Variants in GRID2 observed in about 807,000 individuals in gnomAD.
GRID2 encodes glutamate receptor ionotropic, delta-2.
GRID2 carries 33 observed loss-of-function variants against 114.8 expected under a neutral mutation model. The observed-to-expected ratio is 0.29, with a 90% confidence interval of 0.22 to 0.38. GRID2 has a LOEUF of 0.38. GRID2 is among the 10% of genes least tolerant of loss of function. GRID2 has a pLI of 1.00. For missense variants in GRID2, 1,184 were observed against 1,257.7 expected (o/e 0.94, Z 0.89); for synonymous variants, 505 against 449.9 (o/e 1.12, Z -1.55).
rs548609554 is a variant in GRID2 at position 93,528,317 on chromosome 4, A to G, written c.2193+12906A>G. 3.3e-5 allele frequency among the ~76,000 whole-genome samples: 5 copies of G among 152,040 alleles called. No homozygotes were observed. In the South Asian group the frequency reaches 1.0e-3, roughly 31 times the overall value. On this transcript the variant is annotated intron_variant, in intron 13 of 15. Transcript: ENST00000282020. ...TCCAGAAGTGGAACTGCTAGACGAA[A>G]TGGCAATTCTAGTTTTAATTATTTA...
At chr4:93,563,224 C>T (rs1179099777) in intron 13 of GRID2, among the ~76,000 whole-genome samples, 3 of 151,960 alleles carry the variant, frequency 2.0e-5, no homozygotes, top group Non-Finnish European at 4.4e-5. Flanking sequence ...CCATTTATAT[C>T]CCTATCTGTC....
chr4:93,760,877 C>T (rs1733149548), intron 14 of GRID2, among the ~76,000 whole-genome samples: 1 of 152,140 alleles, frequency 6.6e-6, no homozygotes, highest in African/African-American at 2.4e-5. Flanking sequence ...TGACTTCAGG[C>T]TCAAGCTCCC....
chr4:93,258,795 GATTT>G (rs1370018262), intron 8 of GRID2: 2 of 396,064 alleles, frequency 5.0e-6, no homozygotes, highest in Non-Finnish European at 1.0e-5. Context: ...CTAATGCATG[GATTT>G]ATTTATTGAT....
chr4:93,588,772 T>C (rs1209661187), intron 13 of GRID2, among the ~76,000 whole-genome samples: 1 of 152,182 alleles, frequency 6.6e-6, no homozygotes, highest in Non-Finnish European at 1.5e-5. Flanking sequence ...TGTTTAAAAA[T>C]ACTTGCATTC....
chr4:92,407,859 A>G (rs1478936346), intron 1 of GRID2, among the ~76,000 whole-genome samples: 2 of 152,100 alleles, frequency 1.3e-5, no homozygotes, highest in African/African-American at 4.8e-5. Context: ...ATAACTTACA[A>G]TTATTCTTTC....
chr4:92,871,816 T>C (rs1221701700), intron 2 of GRID2, among the ~76,000 whole-genome samples: 3 of 152,180 alleles, frequency 2.0e-5, no homozygotes, highest in African/African-American at 7.2e-5. Flanking sequence ...GAAAGAATAT[T>C]GTCTAATGTT....
At chr4:93,445,838 T>A (rs1722044213) in intron 10 of GRID2, among the ~76,000 whole-genome samples, 1 of 152,050 alleles carries the variant, frequency 6.6e-6, no homozygotes, top group South Asian at 2.1e-4. Context: ...TTACTTAAGA[T>A]GTTGAAGAAA....
At chr4:92,321,747 A>T (rs183687835) in intron 1 of GRID2, among the ~76,000 whole-genome samples, 1 of 152,314 alleles carries the variant, frequency 6.6e-6, no homozygotes, top group Admixed American at 6.5e-5. Context: ...GAGTTGACCC[A>T]GTCAAAAATT....
At chr4:92,521,388 G>T (rs915213231) in intron 1 of GRID2, among the ~76,000 whole-genome samples, 5 of 151,824 alleles carry the variant, frequency 3.3e-5, no homozygotes, top group Admixed American at 1.3e-4. Flanking sequence ...TTTCAGATTT[G>T]CTACATTTTA....
chr4:93,356,158 A>G (rs962391425), intron 8 of GRID2, among the ~76,000 whole-genome samples: 35 of 152,076 alleles, frequency 2.3e-4, no homozygotes, highest in African/African-American at 8.0e-4. Context: ...TCACTAACTC[A>G]CCACATTTGT....
chr4:93,529,579 T>A (rs1731249290), intron 13 of GRID2, among the ~76,000 whole-genome samples: 1 of 152,172 alleles, frequency 6.6e-6, no homozygotes, highest in Non-Finnish European at 1.5e-5. Context: ...CTTTATTATG[T>A]TGCCTTCCAA....
intron 11 of GRID2, among the ~76,000 whole-genome samples, chr4:93,462,315 A>G (rs1225660790): frequency 1.3e-5 from 2 of 152,150 alleles, no homozygotes; most frequent in Non-Finnish European, 2.9e-5. Context: ...ATCAAAATAA[A>G]CCATTTCTGA....
At chr4:93,063,856 A>C (rs1728024970) in intron 2 of GRID2, among the ~76,000 whole-genome samples, 1 of 151,706 alleles carries the variant, frequency 6.6e-6, no homozygotes, top group Non-Finnish European at 1.5e-5. Flanking sequence ...ATTGATTAAA[A>C]AATATTTAAA....
At chr4:93,509,015 T>C (rs904420918) in intron 12 of GRID2, among the ~76,000 whole-genome samples, 1 of 152,148 alleles carries the variant, frequency 6.6e-6, no homozygotes, top group African/African-American at 2.4e-5. Flanking sequence ...TTTCTGAGAA[T>C]GGAAATAGAA....
intron 2 of GRID2, among the ~76,000 whole-genome samples, chr4:93,006,407 T>C (rs983265819): frequency 1.3e-5 from 2 of 151,822 alleles, no homozygotes; most frequent in Non-Finnish European, 1.5e-5. Flanking sequence ...TCTAAGGAAA[T>C]ATTGAGCACA....
chr4:92,839,828 A>G (rs931442759), intron 2 of GRID2, among the ~76,000 whole-genome samples: 38 of 152,200 alleles, frequency 2.5e-4, no homozygotes, highest in Admixed American at 2.3e-3. Context: ...AATATCTATT[A>G]GATCCATTTG....
chr4:92,598,692 T>C lies in GRID2; in HGVS notation c.244+8406T>C, dbSNP rs552921179. 2.6e-5 allele frequency among the ~76,000 whole-genome samples: 4 copies of C among 152,246 alleles called. No homozygotes were observed. The East Asian group carries it at 7.7e-4, about 29-fold the overall frequency. On this transcript the variant is annotated intron_variant, in intron 2 of 15. Coordinates refer to ENST00000282020, the MANE Select transcript of GRID2 (RefSeq NM_001510.4). ...ATGTAAAATGAGGATAAATACATAC[T>C]CCATAGCATTAATATGATTATGTGA... is the stretch of plus-strand genomic sequence containing the variant.
intron 5 of GRID2, among the ~76,000 whole-genome samples, chr4:93,208,474 T>G (rs1293865766): frequency 6.6e-6 from 1 of 151,996 alleles, no homozygotes; most frequent in Non-Finnish European, 1.5e-5. Flanking sequence ...ACTGCGATAA[T>G]GATCATATCA....
chr4:92,834,592 A>G (rs747148274), intron 2 of GRID2, among the ~76,000 whole-genome samples: 30 of 152,314 alleles, frequency 2.0e-4, no homozygotes, highest in Middle Eastern at 3.4e-3. Flanking sequence ...AGACAGACAC[A>G]GTTTATACCC....
Sources: gnomAD v4.1 joint callset for allele counts (sites outside exome capture counted in the v4.1 genomes callset) on GRCh38, gnomAD v4.1.1 for gene constraint, MANE v1.5 for transcripts, NCBI Gene and HGNC (gene_info 2026-07-23, HGNC 2026-07-21) for gene names.